RASAL2: variants seen among roughly 807,000 people sequenced by gnomAD.
RASAL2 encodes RAS protein activator like 2.
RASAL2 carries 58 observed loss-of-function variants against 128.9 expected under a neutral mutation model. That is an observed-to-expected ratio of 0.45 (90% CI 0.36 to 0.56). The LOEUF (loss-of-function observed/expected upper bound fraction) is 0.56, where lower values mean the gene tolerates loss of function less well. Ranked by LOEUF, RASAL2 falls within the 20% of genes least tolerant of loss-of-function variation. RASAL2 has a pLI of 0.00. For missense variants in RASAL2, 1,360 were observed against 1,601.6 expected, an observed-to-expected ratio of 0.85 and a Z score of 2.57; for synonymous variants, 561 against 580.8, an observed-to-expected ratio of 0.97 and a Z score of 0.49.
At chr1:178,336,649 C>G (rs2102389361) in intron 3 of RASAL2, among the ~76,000 whole-genome samples, 1 of 151,330 alleles carries the variant, frequency 6.6e-6, no homozygotes, top group East Asian at 1.9e-4. Flanking sequence ...GTATGTATAA[C>G]TAAATAAATA....
intron 1 of RASAL2, among the ~76,000 whole-genome samples, chr1:178,250,207 A>G (rs529639441): frequency 6.6e-6 from 1 of 152,244 alleles, no homozygotes; most frequent in East Asian, 1.9e-4. Context: ...GCTCTGTCCC[A>G]GGGAGATGGG....
At chr1:178,291,960 C>T (rs906430390) in intron 2 of RASAL2, among the ~76,000 whole-genome samples, 2 of 140,316 alleles carry the variant, frequency 1.4e-5, no homozygotes, top group East Asian at 2.1e-4. Flanking sequence ...CCTTTGAACT[C>T]GGGAGGTGGA....
chr1:178,300,172 G>T, intron 3 of RASAL2, 54 bp downstream of exon 3: 1 of 1,540,460 alleles, frequency 6.5e-7, no homozygotes, highest in South Asian at 1.2e-5. Context: ...ATAATTTATG[G>T]ACTTGTTACT....
chr1:178,404,682 CA>C (rs1030686211), intron 4 of RASAL2, among the ~76,000 whole-genome samples: 8 of 131,106 alleles, frequency 6.1e-5, no homozygotes, highest in African/African-American at 1.4e-4. Context: ...CCTGGCCCCC[CA>C]ATTTTTTTTT....
intron 3 of RASAL2, among the ~76,000 whole-genome samples, chr1:178,318,246 G>A (rs1306600916): frequency 6.7e-6 from 1 of 148,400 alleles, no homozygotes; most frequent in Non-Finnish European, 1.5e-5. Flanking sequence ...GTGTGGTGTG[G>A]TGCTGAAAAA....
At chr1:178,138,644 G>A (rs1660418243) in intron 1 of RASAL2, among the ~76,000 whole-genome samples, 1 of 151,916 alleles carries the variant, frequency 6.6e-6, no homozygotes, top group South Asian at 2.1e-4. Flanking sequence ...CATTCTAAGG[G>A]CTCTGAAATC....
intron 2 of RASAL2, among the ~76,000 whole-genome samples, chr1:178,294,922 C>G (rs533597010): frequency 3.2e-4 from 49 of 152,222 alleles, no homozygotes; most frequent in African/African-American, 1.1e-3. Flanking sequence ...CAGAGAGAAA[C>G]TGAAGTATAT....
chr1:178,433,134 G>A (rs916898676), intron 5 of RASAL2, among the ~76,000 whole-genome samples: 1 of 152,020 alleles, frequency 6.6e-6, no homozygotes, highest in African/African-American at 2.4e-5. Flanking sequence ...GAGCCACACT[G>A]CTGAATTTCT....
chr1:178,360,152 A>G (rs1671031308), intron 3 of RASAL2, among the ~76,000 whole-genome samples: 1 of 152,088 alleles, frequency 6.6e-6, no homozygotes, highest in Non-Finnish European at 1.5e-5. Context: ...CTCATATCCT[A>G]TTTAACTCCA....
chr1:178,393,575 C>G (rs562601232), intron 4 of RASAL2, among the ~76,000 whole-genome samples: 1 of 152,310 alleles, frequency 6.6e-6, no homozygotes, highest in East Asian at 1.9e-4. Context: ...GCTGTGCCGC[C>G]CAGTTCCTAA....
chr1:178,333,867 G>C (rs1386163162), intron 3 of RASAL2, among the ~76,000 whole-genome samples: 3 of 152,112 alleles, frequency 2.0e-5, no homozygotes, highest in Non-Finnish European at 4.4e-5. Context: ...TATTTTGTCT[G>C]TAGTTTCAGC....
chr1:178,224,796 G>A (rs1257979399), intron 1 of RASAL2, among the ~76,000 whole-genome samples: 1 of 152,116 alleles, frequency 6.6e-6, no homozygotes, highest in Non-Finnish European at 1.5e-5. Flanking sequence ...CTATGTCTAA[G>A]CTGAGAAAGC....
intron 1 of RASAL2, among the ~76,000 whole-genome samples, chr1:178,231,510 C>T (rs2102023482): frequency 6.6e-6 from 1 of 152,082 alleles, no homozygotes; most frequent in East Asian, 1.9e-4. Flanking sequence ...CTAATGATGT[C>T]TTCTATTGAA....
intron 4 of RASAL2, among the ~76,000 whole-genome samples, chr1:178,410,805 C>G (rs560298362): frequency 7.2e-5 from 11 of 152,128 alleles, no homozygotes; most frequent in African/African-American, 2.4e-4. Flanking sequence ...AAATGCAAAT[C>G]AAAACCACAA....
At chr1:178,289,765 A>C (rs1667193202) in intron 2 of RASAL2, among the ~76,000 whole-genome samples, 1 of 152,150 alleles carries the variant, frequency 6.6e-6, no homozygotes, top group Non-Finnish European at 1.5e-5. Flanking sequence ...TGACAACTCC[A>C]TCCTTCCAAG....
At chr1:178,341,527 A>G (rs980855898) in intron 3 of RASAL2, 35 of 1,612,028 alleles carry the variant, frequency 2.2e-5, no homozygotes, top group Non-Finnish European at 2.9e-5. Flanking sequence ...AGTACAGTAT[A>G]CAAAGTGTTT....
At chr1:178,298,407 G>A (rs1171885211) in intron 2 of RASAL2, among the ~76,000 whole-genome samples, 1 of 152,178 alleles carries the variant, frequency 6.6e-6, no homozygotes, top group Non-Finnish European at 1.5e-5. Flanking sequence ...AAGGAAATGG[G>A]AGAATTGGGG....
At chr1:178,466,205 A>C in intron 16 of RASAL2, 83 bp downstream of exon 16, 1 of 1,334,662 alleles carries the variant, frequency 7.5e-7, no homozygotes, top group Non-Finnish European at 1.0e-6. Flanking sequence ...AAGGAATGGC[A>C]GCAAAAGCCA....
chr1:178,296,765 C>T (rs1236018398), intron 2 of RASAL2, among the ~76,000 whole-genome samples: 1 of 148,478 alleles, frequency 6.7e-6, no homozygotes, highest in South Asian at 2.2e-4. Context: ...CTCCACCTCT[C>T]GGGTTCAAGC....
Sources: gnomAD v4.1 joint callset for allele counts (sites outside exome capture counted in the v4.1 genomes callset) on GRCh38, gnomAD v4.1.1 for gene constraint, MANE v1.5 for transcripts, NCBI Gene and HGNC (gene_info 2026-07-23, HGNC 2026-07-21) for gene names.